HIVEP2: variants seen among roughly 807,000 people sequenced by gnomAD.
HIVEP2 encodes HIVEP zinc finger 2, also known as transcription factor HIVEP2.
In HIVEP2, 14 loss-of-function variants were observed where a neutral mutation model predicts 180.7. The observed-to-expected ratio is 0.08, with a 90% CI of 0.05 to 0.12. The LOEUF (loss-of-function observed/expected upper bound fraction) is 0.12. Ranked by LOEUF, HIVEP2 falls within the 10% of genes least tolerant of loss-of-function variation. The probability of loss-of-function intolerance (pLI) is 1.00; values close to 1 mark genes in which losing one functional copy is unlikely to be tolerated. For synonymous variants in HIVEP2, 1,184 were observed against 1,136.4 expected, an observed-to-expected ratio of 1.04 and a Z score of -0.84; for missense variants, 2,579 against 3,008.5, an observed-to-expected ratio of 0.86 and a Z score of 3.34.
chr6:142,761,632 C>T, intron 7 of HIVEP2, 67 bp from the exon 8 acceptor site: 2 of 868,236 alleles, frequency 2.3e-6, no homozygotes, highest in Non-Finnish European at 3.9e-6. Context: ...CTGATAGCTG[C>T]TCCAAATTCA....
At chr6:142,756,259 G>C (rs555371677) in intron 9 of HIVEP2, among the ~76,000 whole-genome samples, 1 of 152,294 alleles carries the variant, frequency 6.6e-6, no homozygotes, top group Admixed American at 6.5e-5. Context: ...AAGAGCAAGA[G>C]CCTCCTTGGG....
chr6:142,829,624 G>T (rs1165552145), intron 2 of HIVEP2, among the ~76,000 whole-genome samples: 1 of 152,202 alleles, frequency 6.6e-6, no homozygotes, highest in African/African-American at 2.4e-5. Context: ...ACTCATCATT[G>T]TATTCCTCCA....
intron 7 of HIVEP2, 77 bp from the exon 8 acceptor site, chr6:142,761,642 A>G (rs1775240755): frequency 3.6e-6 from 3 of 823,798 alleles, no homozygotes; most frequent in Admixed American, 3.4e-5. Flanking sequence ...CTCCAAATTC[A>G]ATGTGAAATG....
rs561766324 is a variant in HIVEP2 at position 142,755,108 on chromosome 6, C to A, written c.6517-1177G>T. On this transcript the variant is annotated intron_variant, in intron 9 of 9. Coordinates refer to ENST00000367603, the MANE Select transcript of HIVEP2 (RefSeq NM_006734.4). ...TCAGTTCTAAAACTCAAGGTATGCT[C>A]TGCAGCATTAAAGATTCATCCAGTT... Among the ~76,000 whole-genome samples, 43 of 152,274 alleles carry A rather than the reference C, an allele frequency of 2.8e-4. 1 individual carries two copies. The South Asian group carries it at 8.9e-3, about 32-fold the overall frequency.
intron 2 of HIVEP2, among the ~76,000 whole-genome samples, chr6:142,825,298 A>G (rs941530774): frequency 6.6e-5 from 10 of 151,988 alleles, no homozygotes; most frequent in African/African-American, 2.4e-4. Flanking sequence ...ACACACACAC[A>G]CACACACACA....
At chr6:142,768,294 T>A (rs1203048497) in intron 6 of HIVEP2, 88 bp downstream of exon 6, 1 of 1,254,970 alleles carries the variant, frequency 8.0e-7, no homozygotes, top group Non-Finnish European at 1.1e-6. Flanking sequence ...TTCAACCAGA[T>A]TAGACAGTAC....
rs1222362800 is a variant in HIVEP2, at chr6:142,943,517, AAAC to A, written c.-641+1579_-641+1581del. 6.6e-6 allele frequency among the ~76,000 whole-genome samples: 1 copy of A among 152,344 alleles called. No individual in the cohort carries two copies. Among genetic ancestry groups the A allele is most frequent in the East Asian group, 1.9e-4 (1 of 5,192 alleles). On this transcript the variant is annotated intron_variant, in intron 1 of 9. Coordinates refer to ENST00000367603, the MANE Select transcript of HIVEP2 (RefSeq NM_006734.4). This position sits in a 1 kb window ranked among gnomAD's most constrained non-coding sequence, Gnocchi z 4.5. ...TGGGCTTGATTATGCACTACAAAAG[AAAC>A]AACTGTATTGAGGAGAAAAATCAAT...
chr6:142,923,101 A>C (rs760884989), intron 1 of HIVEP2, among the ~76,000 whole-genome samples: 83 of 152,272 alleles, frequency 5.5e-4, no homozygotes, highest in Non-Finnish European at 1.0e-3. Flanking sequence ...TTGGGAGGCC[A>C]AGGCGGGTGG....
intron 4 of HIVEP2, 68 bp from the exon 5 acceptor site, chr6:142,775,193 ACC>A: frequency 3.7e-6 from 1 of 270,326 alleles, no homozygotes; most frequent in Non-Finnish European, 5.6e-6. Flanking sequence ...AAAAAAAAAA[ACC>A]TAACTAACCA....
At chr6:142,822,506 A>G (rs1172558588) in intron 2 of HIVEP2, among the ~76,000 whole-genome samples, 1 of 152,226 alleles carries the variant, frequency 6.6e-6, no homozygotes, top group Admixed American at 6.5e-5. Context: ...TGGTGACAAC[A>G]TCACTGACAC....
intron 1 of HIVEP2, among the ~76,000 whole-genome samples, chr6:142,853,512 A>T (rs944543413): frequency 6.6e-6 from 1 of 152,198 alleles, no homozygotes; most frequent in African/African-American, 2.4e-5. Flanking sequence ...TTGGCATGCA[A>T]GGCCACCCTT....
rs753651798 is a variant in HIVEP2 at position 142,772,928 on chromosome 6, C to T, written c.1811G>A (p.Gly604Asp). 7 of 1,614,070 alleles carry T rather than the reference C, an allele frequency of 4.3e-6. No homozygotes were observed. In the African/African-American group the frequency reaches 8.0e-5, roughly 18 times the overall value. ...AAFELPSVQE[G>D]HVEVEHHGRM... ...GCCATGGTGCTCGACTTCCACGTGG[C>T]CCTCCTGTACCGAAGGCAGCTCAAA... Residue 604 changes from glycine (G) to aspartate (D), a missense_variant, in exon 5 of 10, where the codon GGC becomes GAC. This residue lies in a region of HIVEP2 where 524 missense variants were observed against 563.6 expected (regional missense o/e 0.93). Transcript: ENST00000367603. The surrounding 1 kb of genome is among the most constrained non-coding windows in gnomAD (Gnocchi z 4.9).
intron 2 of HIVEP2, among the ~76,000 whole-genome samples, chr6:142,816,480 A>G (rs938909457): frequency 1.3e-5 from 2 of 152,120 alleles, no homozygotes; most frequent in African/African-American, 4.8e-5. Flanking sequence ...AACTCACACT[A>G]TTAGCACCGC....
rs1383637743 is a variant in HIVEP2 at position 142,761,495 on chromosome 6, T to C, written c.5589A>G (p.Thr1863=). 4 of 1,605,206 alleles carry C rather than the reference T, an allele frequency of 2.5e-6. No homozygotes were observed. Among genetic ancestry groups the C allele is most frequent in the Non-Finnish European group, 3.4e-6 (4 of 1,172,000 alleles). ...CCTCAGTTTCTGTATCATCCACCGA[T>C]GTCATTGAGACTCCCAATTCCAGGC... ...KKCLELGVSM[T]SVDDTETEEA... is the part of the protein sequence containing the mutation. Residue 1863 remains threonine (T), a synonymous_variant, in exon 8 of 10, where the codon ACA becomes ACG. Transcript: ENST00000367603.
At chr6:142,893,441 G>T (rs1374243321) in intron 1 of HIVEP2, among the ~76,000 whole-genome samples, 1 of 152,094 alleles carries the variant, frequency 6.6e-6, no homozygotes, top group Admixed American at 6.6e-5. Context: ...TCACGTAACA[G>T]CTAATTATCA....
intron 2 of HIVEP2, among the ~76,000 whole-genome samples, chr6:142,834,253 A>C (rs1775167871): frequency 6.6e-6 from 1 of 152,212 alleles, no homozygotes; most frequent in Admixed American, 6.5e-5. Context: ...CAGATGAAGA[A>C]AAGGTTTGGG....
At chr6:142,904,677 C>T (rs1777218702) in intron 1 of HIVEP2, among the ~76,000 whole-genome samples, 1 of 152,082 alleles carries the variant, frequency 6.6e-6, no homozygotes, top group Admixed American at 6.6e-5. Flanking sequence ...GATAAACAGC[C>T]CTTTTTACCC....
intron 2 of HIVEP2, among the ~76,000 whole-genome samples, chr6:142,822,979 G>A (rs754370549): frequency 1.3e-5 from 2 of 152,108 alleles, no homozygotes; most frequent in Non-Finnish European, 2.9e-5. Context: ...AGGACCTCCA[G>A]TCCCCTTAAA....
At chr6:142,887,485 G>A (rs949229659) in intron 1 of HIVEP2, among the ~76,000 whole-genome samples, 3 of 152,138 alleles carry the variant, frequency 2.0e-5, no homozygotes, top group African/African-American at 4.8e-5. Context: ...AGTCTGAACT[G>A]AGGATCCTCA....
Sources: gnomAD v4.1 joint callset for allele counts (sites outside exome capture counted in the v4.1 genomes callset) on GRCh38, gnomAD v4.1.1 for gene constraint, gnomAD v4.1.1 regional missense constraint, Gnocchi (gnomAD v3.1) non-coding constraint, MANE v1.5 for transcripts, NCBI Gene and HGNC (gene_info 2026-07-23, HGNC 2026-07-21) for gene names.